Variants in LAMC1 observed in about 807,000 individuals in gnomAD.
The protein encoded by LAMC1 is laminin subunit gamma 1.
In LAMC1, 38 loss-of-function variants were observed where a neutral mutation model predicts 173.6. The observed-to-expected ratio is 0.22, with a 90% confidence interval of 0.17 to 0.29. The LOEUF (loss-of-function observed/expected upper bound fraction) is 0.29, where lower values mean the gene tolerates loss of function less well. Among genes scored for constraint, LAMC1 ranks in the 10% least tolerant of loss-of-function variants. LAMC1 has a pLI of 1.00. For synonymous variants in LAMC1, 746 were observed against 749.1 expected, an observed-to-expected ratio of 1.00 and a Z score of 0.07; for missense variants, 1,824 against 2,051.8, an observed-to-expected ratio of 0.89 and a Z score of 2.14.
Position 183,136,391 on chromosome 1 carries a change from GA to G in LAMC1, c.4121del (p.Asp1374ValfsTer4). On this transcript the variant is annotated frameshift_variant, in exon 25 of 28. Coordinates refer to ENST00000258341, the MANE Select transcript of LAMC1 (RefSeq NM_002293.4). LOFTEE classifies it high-confidence loss of function. ...NDILNNLKDF[D>X]RRVNDNKTAA... ...TGTCCTTGAACTTGTTTCAGATTTT[GA>G]TAGGCGTGTGAACGATAACAAGACG... 1 of 1,613,996 alleles carries G rather than the reference GA, an allele frequency of 6.2e-7. No individual in the cohort carries two copies. Among genetic ancestry groups the G allele is most frequent in the Non-Finnish European group, 8.5e-7 (1 of 1,179,922 alleles).
intron 11 of LAMC1, among the ~76,000 whole-genome samples, chr1:183,120,065 AGGCTGAG>A (rs1284559811): frequency 6.7e-6 from 1 of 148,488 alleles, no homozygotes; most frequent in East Asian, 2.1e-4. Flanking sequence ...GCTACCTCGG[AGGCTGAG>A]GGCAGGAGGA....
At position 183,145,064 on chromosome 1, in the gene LAMC1, G is replaced by A. The variant is rs1310603491; in HGVS notation, c.*2274G>A. 1 of 152,108 alleles carries A rather than the reference G, an allele frequency of 6.6e-6. No individual in the cohort carries two copies. The highest frequency in any genetic ancestry group is 1.5e-5 in the Non-Finnish European group (1 of 68,036). 9.4% of individuals were successfully genotyped at this position (152,108 alleles called of 1,614,324 possible). On this transcript the variant is annotated 3_prime_UTR_variant, in exon 28 of 28. Coordinates refer to ENST00000258341, the MANE Select transcript of LAMC1 (RefSeq NM_002293.4). ...TGGCTACATCCTAACATATGCATTT[G>A]GTCAAGGTTGCAGAAGAGGACTGAA... is the stretch of plus-strand genomic sequence containing the variant.
chr1:183,126,371 A>C, intron 16 of LAMC1, 109 bp downstream of exon 16: 1 of 1,118,516 alleles, frequency 8.9e-7, no homozygotes, highest in South Asian at 1.5e-5. Flanking sequence ...ACTCATAGTC[A>C]GGGCTGTACC....
chr1:183,125,282 G>A, intron 14 of LAMC1, 115 bp from the exon 15 acceptor site: 1 of 887,068 alleles, frequency 1.1e-6, no homozygotes, highest in Non-Finnish European at 1.7e-6. Context: ...AGCCACATGT[G>A]ACAGCAGCTA....
chr1:183,124,853 C>A lies in LAMC1; in HGVS notation c.2624C>A (p.Pro875His). ...GGATTTTTTGGAAATCCCCTGGCTC[C>A]CAATCCAGCAGACAAATGCAAAGGT... ...KDGFFGNPLA[P>H]NPADKCKACN... is the part of the protein sequence containing the mutation. Residue 875 changes from proline (P) to histidine (H), a missense_variant, in exon 14 of 28, where the codon CCC becomes CAC. Coordinates refer to ENST00000258341, the MANE Select transcript of LAMC1 (RefSeq NM_002293.4). 6.2e-7 allele frequency: 1 copy of A among 1,614,108 alleles called. No homozygotes were observed. Among genetic ancestry groups the A allele is most frequent in the South Asian group, 1.1e-5 (1 of 91,084 alleles).
chr1:183,032,452 A>C (rs1466948227), intron 1 of LAMC1, among the ~76,000 whole-genome samples: 1 of 151,408 alleles, frequency 6.6e-6, no homozygotes, highest in African/African-American at 2.4e-5. Flanking sequence ...GATTTTTGTT[A>C]TTTTATCTTT....
intron 1 of LAMC1, among the ~76,000 whole-genome samples, chr1:183,077,002 G>T (rs1320645139): frequency 3.3e-5 from 5 of 152,146 alleles, no homozygotes; most frequent in African/African-American, 1.2e-4. Flanking sequence ...TTTTCACTGC[G>T]GTCTCTTGAA....
chr1:183,038,174 T>G (rs1315474811), intron 1 of LAMC1, among the ~76,000 whole-genome samples: 1 of 152,086 alleles, frequency 6.6e-6, no homozygotes, highest in Admixed American at 6.6e-5. Flanking sequence ...TAGCTGGGAC[T>G]ACACGCGTGG....
chr1:183,067,814 T>C (rs1654913051), intron 1 of LAMC1, among the ~76,000 whole-genome samples: 1 of 152,116 alleles, frequency 6.6e-6, no homozygotes, highest in Non-Finnish European at 1.5e-5. Context: ...TTAAAAATTT[T>C]TTTATTTTTG....
At position 183,103,588 on chromosome 1, in the gene LAMC1, G is replaced by A; in HGVS notation, c.679G>A (p.Gly227Arg). The change falls in exon 2 of 28, where the codon GGA (glycine) becomes AGA (arginine). Residue 227 changes from glycine (G) to arginine (R), a missense_variant. By Grantham distance (125) the Gly-to-Arg change is moderately radical (BLOSUM62 -2). Transcript: ENST00000258341. ...GGNVAFSTLE[G>R]RPSAYNFDNS... ...CAACGTGGCCTTTTCTACCCTGGAA[G>A]GAAGGCCCAGCGCCTATAACTTTGA... 1.9e-6 allele frequency: 3 copies of A among 1,604,910 alleles called. No individual in the cohort carries two copies. Among genetic ancestry groups the A allele is most frequent in the Non-Finnish European group, 2.6e-6 (3 of 1,175,248 alleles).
Position 183,023,630 on chromosome 1 carries a change from G to C in LAMC1, c.-87G>C. ...GCCCCTGGGCCCCCAGGCTCAAGCA[G>C]CGAAGCGGCCTCCGGGGGACGCCGC... On this transcript the variant is annotated 5_prime_UTR_variant, in exon 1 of 28. Transcript: ENST00000258341. The C allele has an allele frequency of 9.6e-7, 1 of 1,044,466 alleles. No homozygotes were observed. The highest frequency in any genetic ancestry group is 1.2e-6 in the Non-Finnish European group (1 of 847,772). The allele number at this position is 1,044,466 out of a possible 1,614,324, so 64.7% of individuals were successfully genotyped here.
chr1:183,085,765 G>A lies in LAMC1; in HGVS notation c.419-17563G>A, dbSNP rs76865467. On this transcript the variant is annotated intron_variant, in intron 1 of 27. Transcript: ENST00000258341. ...GCTTGAAAATTAAATTAGAAAGTAA[G>A]TGCCACTTAAAAAGTTTATAAATAT... Among the ~76,000 whole-genome samples, 1,033 of 152,238 alleles carry A rather than the reference G, an allele frequency of 6.8e-3. 9 individuals are homozygous for A. The highest frequency in any genetic ancestry group is 0.023 in the African/African-American group (967 of 41,530).
chr1:183,140,347 A>AT, intron 26 of LAMC1, 57 bp from the exon 27 acceptor site: 1 of 1,032,730 alleles, frequency 9.7e-7, no homozygotes, highest in South Asian at 1.6e-5. Flanking sequence ...GGGAAAAAAG[A>AT]TTTAAAGAAG....
At chr1:183,131,428 GGTGTGTGTGTGTGTGTGTGTGT>G in intron 20 of LAMC1, 50 bp downstream of exon 20, 2 of 950,370 alleles carry the variant, frequency 2.1e-6, no homozygotes, top group Non-Finnish European at 3.2e-6. Flanking sequence ...TCTGTTATGG[GGTGTGTGTGTGTGTGTGTGTGT>G]GTGTGTGTGT....
rs763012543 is a variant in LAMC1, at chr1:183,131,380, T to TA, written c.3566+4dup. On this transcript the variant is annotated splice_region_variant and intron_variant, in intron 20 of 27. Transcript: ENST00000258341. ...AGAGGCTCGAAAGCTTGCTGAACGG[T>TA]AACTTCTAGATCCCTGTTTAATGGT... 1 of 1,608,124 alleles carries TA rather than the reference T, an allele frequency of 6.2e-7. No homozygotes were observed. The highest frequency in any genetic ancestry group is 2.2e-5 in the East Asian group (1 of 44,646).
intron 1 of LAMC1, among the ~76,000 whole-genome samples, chr1:183,056,146 G>A (rs926768389): frequency 6.6e-6 from 1 of 152,256 alleles, no homozygotes; most frequent in African/African-American, 2.4e-5. Flanking sequence ...GGCTGTGGAG[G>A]CAGATGGATC....
chr1:183,079,788 G>A (rs912455547), intron 1 of LAMC1, among the ~76,000 whole-genome samples: 2 of 152,134 alleles, frequency 1.3e-5, no homozygotes, highest in African/African-American at 4.8e-5. Flanking sequence ...TTTGAAGAGC[G>A]GTAGATCAGG....
chr1:183,046,910 T>C (rs1654280985), intron 1 of LAMC1, among the ~76,000 whole-genome samples: 1 of 152,180 alleles, frequency 6.6e-6, no homozygotes, highest in Non-Finnish European at 1.5e-5. Flanking sequence ...TTATCTCTTT[T>C]ATAATTATGA....
intron 1 of LAMC1, among the ~76,000 whole-genome samples, chr1:183,062,973 AAGT>A (rs879421670): frequency 1.1e-4 from 17 of 152,320 alleles, no homozygotes; most frequent in Admixed American, 2.6e-4. Flanking sequence ...TAATAAAAAA[AAGT>A]AGTATTACTA....
Sources: gnomAD v4.1 joint callset for allele counts (sites outside exome capture counted in the v4.1 genomes callset) on GRCh38, gnomAD v4.1.1 for gene constraint, MANE v1.5 for transcripts, NCBI Gene and HGNC (gene_info 2026-07-23, HGNC 2026-07-21) for gene names.